Variants in MED13 observed in about 807,000 individuals in gnomAD.
MED13 encodes the protein mediator of RNA polymerase II transcription subunit 13.
MED13 carries 23 observed loss-of-function variants against 225.2 expected under a neutral mutation model. The ratio of observed to expected loss-of-function variants is 0.10; its 90% CI spans 0.07 to 0.14. MED13 has a LOEUF of 0.14. Among genes scored for constraint, MED13 ranks in the 10% least tolerant of loss-of-function variants. The pLI is 1.00. For missense variants in MED13, 2,197 were observed against 2,594.5 expected, an observed-to-expected ratio of 0.85 and a Z score of 3.33; for synonymous variants, 942 against 889.2, an observed-to-expected ratio of 1.06 and a Z score of -1.06.
chr17:62,042,898 C>A (rs2080865516), intron 3 of MED13, among the ~76,000 whole-genome samples: 1 of 151,422 alleles, frequency 6.6e-6, no homozygotes, highest in African/African-American at 2.4e-5. Flanking sequence ...ACCTGTAATC[C>A]CAGTACTTTG....
At chr17:61,980,655 A>T (rs140647956) in intron 16 of MED13, among the ~76,000 whole-genome samples, 1 of 152,126 alleles carries the variant, frequency 6.6e-6, no homozygotes, top group South Asian at 2.1e-4. Context: ...CTAAGCTACC[A>T]TCATCTTTCA....
chr17:61,957,950 C>T (rs1375173369), intron 23 of MED13, among the ~76,000 whole-genome samples: 2 of 152,040 alleles, frequency 1.3e-5, no homozygotes, highest in African/African-American at 2.4e-5. Flanking sequence ...CTGCAAGTTC[C>T]GCCTCCTGAT....
chr17:61,990,291 TACACACACATATAC>T lies in MED13; in HGVS notation c.2263+2235_2263+2248del, dbSNP rs932249809. ...ATCTACCCATTCCACTATATATACATACACACACATATACACACACACATATATATACACACTCA... is the reference window on the plus strand; with the variant it reads ...ATCTACCCATTCCACTATATATACATACACACACATATATATACACACTCA... On this transcript the variant is annotated intron_variant, in intron 11 of 29. Transcript: ENST00000397786. Among the ~76,000 whole-genome samples, 36 of 152,080 alleles carry T rather than the reference TACACACACATATAC, an allele frequency of 2.4e-4. No individual in the cohort carries two copies. In the South Asian group the frequency reaches 2.7e-3, roughly 11 times the overall value.
chr17:62,032,683 G>A (rs138503596), intron 5 of MED13, among the ~76,000 whole-genome samples: 201 of 152,246 alleles, frequency 1.3e-3, no homozygotes, highest in Middle Eastern at 3.4e-3. Flanking sequence ...TGGAATGTAA[G>A]CATGTGATAT....
intron 8 of MED13, chr17:62,029,245 T>C (rs1011840699): frequency 1.4e-5 from 4 of 289,790 alleles, no homozygotes; most frequent in African/African-American, 8.7e-5. Context: ...TATATGGCTG[T>C]ATAGCTTATA....
In MED13 at chr17:62,043,863, GTTTT is replaced by G. The variant is rs566517296; in HGVS notation, c.471-8259_471-8256del. ...ACAATTAATTTTGCCTATACATTTA[GTTTT>G]TTTTTAGCTTTTTAAATGTGCCTAG... is the stretch of plus-strand genomic sequence containing the variant. On this transcript the variant is annotated intron_variant, in intron 3 of 29. Coordinates refer to ENST00000397786, the MANE Select transcript of MED13 (RefSeq NM_005121.3). 8.6e-5 allele frequency among the ~76,000 whole-genome samples: 13 copies of G among 151,232 alleles called. No individual in the cohort carries two copies. In the East Asian group the frequency reaches 2.5e-3, roughly 29 times the overall value.
rs1232638094 is a variant in MED13 at position 62,052,738 on chromosome 17, T to C, written c.302-33A>G. The C allele has an allele frequency of 2.7e-6, 4 of 1,507,306 alleles. No individual in the cohort carries two copies. In the Admixed American group the frequency reaches 7.9e-5, roughly 30 times the overall value. The allele number at this position is 1,507,306 out of a possible 1,614,324, so 93.4% of individuals were successfully genotyped here. ...AGAAATGAAGGAAATAATAAAATAGTGACACTATAATCTATTCAGAGCCAA... is the reference window on the plus strand; with the variant it reads ...AGAAATGAAGGAAATAATAAAATAGCGACACTATAATCTATTCAGAGCCAA... On this transcript the variant is annotated intron_variant, in intron 2 of 29. Coordinates refer to ENST00000397786, the MANE Select transcript of MED13 (RefSeq NM_005121.3).
At chr17:62,000,059 G>C (rs759313990) in intron 9 of MED13, among the ~76,000 whole-genome samples, 2 of 152,116 alleles carry the variant, frequency 1.3e-5, no homozygotes, top group Non-Finnish European at 1.5e-5. Context: ...AACAGAGCAA[G>C]ATCCTCTCTC....
At chr17:62,035,968 A>C (rs139841673) in intron 3 of MED13, among the ~76,000 whole-genome samples, 1 of 151,930 alleles carries the variant, frequency 6.6e-6, no homozygotes, top group Non-Finnish European at 1.5e-5. Context: ...TTCTTTTTTA[A>C]AGAAAGAGAG....
intron 11 of MED13, among the ~76,000 whole-genome samples, chr17:61,989,977 T>C (rs1389453227): frequency 6.6e-6 from 1 of 152,220 alleles, no homozygotes; most frequent in Non-Finnish European, 1.5e-5. Flanking sequence ...ACTGTTGAAT[T>C]TTCAAGCTAC....
At chr17:61,965,574 T>C in intron 19 of MED13, 106 bp from the exon 20 acceptor site, 1 of 1,166,482 alleles carries the variant, frequency 8.6e-7, no homozygotes, top group Non-Finnish European at 1.2e-6. Context: ...GTTTTCTTGG[T>C]AATTATAGCC....
chr17:61,954,628 T>A (rs1372343292), intron 26 of MED13, among the ~76,000 whole-genome samples: 1 of 151,978 alleles, frequency 6.6e-6, no homozygotes, highest in Non-Finnish European at 1.5e-5. Flanking sequence ...AATACAAAAA[T>A]TAGCCAGGCA....
At chr17:61,983,797 C>T (rs1469127451) in intron 15 of MED13, among the ~76,000 whole-genome samples, 3 of 149,284 alleles carry the variant, frequency 2.0e-5, no homozygotes, top group East Asian at 3.9e-4. Flanking sequence ...GGTGCGATCT[C>T]GGCTCCCTGC....
intron 8 of MED13, 38 bp from the exon 9 acceptor site, chr17:62,011,271 C>A (rs2080506317): frequency 6.4e-7 from 1 of 1,561,550 alleles, no homozygotes; most frequent in African/African-American, 1.4e-5. Context: ...TTTACAGTAT[C>A]ACTATTATGG....
intron 8 of MED13, among the ~76,000 whole-genome samples, chr17:62,028,563 G>T (rs1371009902): frequency 2.0e-5 from 3 of 151,072 alleles, no homozygotes; most frequent in Non-Finnish European, 4.4e-5. Flanking sequence ...TAAAAAAAAA[G>T]AAATGAAATT....
intron 9 of MED13, chr17:62,006,247 T>C (rs2080446322): frequency 1.8e-5 from 2 of 113,642 alleles, no homozygotes; most frequent in African/African-American, 3.5e-5. Context: ...CCTATGGGTG[T>C]AGCCCTGCTC....
At chr17:62,002,342 T>C (rs928549582) in intron 9 of MED13, among the ~76,000 whole-genome samples, 4 of 151,800 alleles carry the variant, frequency 2.6e-5, no homozygotes, top group African/African-American at 9.7e-5. Context: ...TACAAAAATT[T>C]GCCAGGTGTG....
intron 8 of MED13, among the ~76,000 whole-genome samples, chr17:62,028,769 C>T (rs999288478): frequency 1.3e-5 from 2 of 151,816 alleles, no homozygotes; most frequent in East Asian, 1.9e-4. Flanking sequence ...GGCGTGAACC[C>T]GGGAGGTGGA....
rs1603402060 is a variant in MED13, at chr17:62,012,153, T to C, written c.1284-920A>G. On this transcript the variant is annotated intron_variant, in intron 8 of 29. Transcript: ENST00000397786. ...ATAGCTTGAACCCAGGAGGCAGAGG[T>C]TGCAGTGAGCCGAGATCACGCCACT... Among the ~76,000 whole-genome samples the C allele has an allele frequency of 2.7e-5, 4 of 150,062 alleles. No individual in the cohort carries two copies. The East Asian group carries it at 8.0e-4, about 30-fold the overall frequency.
Sources: allele counts gnomAD v4.1 joint callset (sites outside exome capture counted in the v4.1 genomes callset), GRCh38; gene constraint gnomAD v4.1.1; transcripts MANE v1.5; gene names NCBI Gene and HGNC (gene_info 2026-07-23, HGNC 2026-07-21).